MIA2: variants seen among roughly 807,000 people sequenced by gnomAD.
MIA2 encodes MIA SH3 domain ER export factor 2.
In MIA2, 127 loss-of-function variants were observed where a neutral mutation model predicts 167.8. The observed-to-expected ratio is 0.76, with a 90% CI of 0.66 to 0.88. MIA2 has a LOEUF of 0.88. Ranked by LOEUF, MIA2 falls within the 40% of genes least tolerant of loss-of-function variation. The pLI is 0.00. For synonymous variants in MIA2, 552 were observed against 541.9 expected, an observed-to-expected ratio of 1.02 and a Z score of -0.26; for missense variants, 1,690 against 1,624.7, an observed-to-expected ratio of 1.04 and a Z score of -0.69.
At chr14:39,304,255 TTAA>T (rs762094949) in intron 16 of MIA2, 33 bp from the exon 17 acceptor site, 18 of 988,538 alleles carry the variant, frequency 1.8e-5, no homozygotes, top group Non-Finnish European at 2.7e-5. Context: ...GTATAACTGA[TTAA>T]TGTTACTTTT....
Position 39,288,454 on chromosome 14 carries a change from TATATATATATATATA to T in MIA2, c.2131-2564_2131-2550del, listed in dbSNP as rs2060164915. Among the ~76,000 whole-genome samples the T allele has an allele frequency of 4.5e-3, 63 of 13,888 alleles. 5 individuals carry two copies. Among genetic ancestry groups the T allele is most frequent in the Middle Eastern group, 0.015 (1 of 66 alleles). 9.1% of individuals were successfully genotyped at this position (13,888 alleles called of 152,430 possible). A position where few individuals can be genotyped will look rare whatever the true frequency, so the allele number is the denominator to read the frequency against. ...ATACATATATATATATATATATATATATATATATATATATATATATATTTTTTTTTTTTTTTTTGA... is the reference window on the plus strand; with the variant it reads ...ATACATATATATATATATATATATATTATATATTTTTTTTTTTTTTTTTGA... On this transcript the variant is annotated intron_variant, in intron 9 of 28. Transcript: ENST00000640607.
Position 39,350,225 on chromosome 14 carries a change from G to A in MIA2, c.4200G>A (p.Glu1400=), listed in dbSNP as rs1363873704. Residue 1400 remains glutamate, a synonymous_variant, in exon 29 of 29, where the codon GAG becomes GAA. Coordinates refer to ENST00000640607, the MANE Select transcript of MIA2 (RefSeq NM_001329214.4). ...CAGGTTTGATTCCACCTTCAAATGA[G>A]CCTGCTACTGAACATCCAGAACCAC... ...FPSGLIPPSN[E]PATEHPEPQQ... is the part of the protein sequence containing the mutation. 7 of 1,518,874 alleles carry A rather than the reference G, an allele frequency of 4.6e-6. No individual in the cohort carries two copies. Among genetic ancestry groups the A allele is most frequent in the South Asian group, 1.3e-5 (1 of 77,310 alleles). The allele number at this position is 1,518,874 out of a possible 1,614,324, so 94.1% of individuals were successfully genotyped here.
exon 24 of MIA2, chr14:39,387,610 C>T (rs1466515415): frequency 6.6e-6 from 1 of 152,216 alleles, no homozygotes; most frequent in Non-Finnish European, 1.5e-5. Context: ...TTCAGATATT[C>T]CATACACTTA....
chr14:39,364,263 C>G (rs1470337942), intron 23 of MIA2, among the ~76,000 whole-genome samples: 1 of 151,914 alleles, frequency 6.6e-6, no homozygotes, highest in Non-Finnish European at 1.5e-5. Flanking sequence ...GAGGCTGAGG[C>G]AGGAGAATCA....
At chr14:39,285,185 TATC>T (rs1446305206) in intron 9 of MIA2, among the ~76,000 whole-genome samples, 2 of 152,166 alleles carry the variant, frequency 1.3e-5, no homozygotes, top group African/African-American at 2.4e-5. Flanking sequence ...CTGATTTCTC[TATC>T]TTTTCCCCAC....
At position 39,313,321 on chromosome 14, in the gene MIA2, A is replaced by T; in HGVS notation, c.3018-19A>T. ...TTTTGACATGTATTAAGAGAATTATAACATTTTTTGTTTTTAAGGAAATTA... is the reference window on the plus strand; with the variant it reads ...TTTTGACATGTATTAAGAGAATTATTACATTTTTTGTTTTTAAGGAAATTA... On this transcript the variant is annotated intron_variant, in intron 18 of 28. Transcript: ENST00000640607. The T allele has an allele frequency of 7.6e-7, 1 of 1,314,768 alleles. No individual in the cohort carries two copies. The highest frequency in any genetic ancestry group is 1.1e-6 in the Non-Finnish European group (1 of 926,358). The allele number at this position is 1,314,768 out of a possible 1,614,324, so 81.4% of individuals were successfully genotyped here.
rs144936548 is a variant in MIA2 at position 39,247,686 on chromosome 14, T to C, written c.1112T>C (p.Leu371Ser). ...EKKDTITNDS[L>S]SLKPSWFDFG... ...AAAGACACAATCACTAATGATAGCT[T>C]GAGTCTCAAGCCAAGTTGGTTTGAT... The change falls in exon 4 of 29, where the codon TTG becomes TCG. Residue 371 changes from leucine (L) to serine (S), a missense_variant. Physicochemically the swap from Leu to Ser is moderately radical, Grantham distance 145 (BLOSUM62 -2). Transcript: ENST00000640607. The C allele has an allele frequency of 2.3e-5, 37 of 1,611,922 alleles. No individual in the cohort carries two copies. Among genetic ancestry groups the C allele is most frequent in the Non-Finnish European group, 3.0e-5 (35 of 1,179,478 alleles).
chr14:39,261,944 T>C (rs570624168), intron 6 of MIA2, among the ~76,000 whole-genome samples: 5 of 152,298 alleles, frequency 3.3e-5, no homozygotes, highest in African/African-American at 1.2e-4. Flanking sequence ...GTAGGTTGCC[T>C]GTTCACTCTG....
chr14:39,301,370 A>G (rs2152882413), intron 14 of MIA2, among the ~76,000 whole-genome samples: 1 of 152,208 alleles, frequency 6.6e-6, no homozygotes, highest in East Asian at 1.9e-4. Context: ...TGGCTGTGGC[A>G]TATTGTTTTA....
At chr14:39,276,155 G>C (rs991510407) in intron 6 of MIA2, 7 of 152,086 alleles carry the variant, frequency 4.6e-5, no homozygotes, top group Admixed American at 2.0e-4. Flanking sequence ...GTAACAAAGA[G>C]CAGAATAACC....
chr14:39,310,930 G>A lies in MIA2; in HGVS notation c.3017+2343G>A, dbSNP rs367620017. Among the ~76,000 whole-genome samples the A allele has an allele frequency of 3.3e-5, 5 of 152,178 alleles. No homozygotes were observed. In the South Asian group the frequency reaches 1.0e-3, roughly 32 times the overall value. ...TTTTTCAGCCAGTATACCTAGGAGT[G>A]GGCCCTTCTTTTTAGGTTAGAATGA... is the stretch of plus-strand genomic sequence containing the variant. On this transcript the variant is annotated intron_variant, in intron 18 of 28. Coordinates refer to ENST00000640607, the MANE Select transcript of MIA2 (RefSeq NM_001329214.4).
chr14:39,262,274 T>G (rs1317812051), intron 6 of MIA2, among the ~76,000 whole-genome samples: 2 of 152,350 alleles, frequency 1.3e-5, no homozygotes, highest in Admixed American at 1.3e-4. Context: ...AAATAGGTTA[T>G]CCTTTCCCCA....
intron 6 of MIA2, chr14:39,266,835 G>A: frequency 1.3e-6 from 1 of 775,884 alleles, no homozygotes; most frequent in African/African-American, 1.9e-5. Flanking sequence ...GTCGGCCCCT[G>A]GGTCGGGGGG....
At position 39,279,347 on chromosome 14, in the gene MIA2, G is replaced by A. The variant is rs754026679; in HGVS notation, c.2030G>A (p.Arg677Gln). Residue 677 changes from arginine (R) to glutamine (Q), a missense_variant, in exon 8 of 29, where the codon CGG (arginine) becomes CAG (glutamine). Transcript: ENST00000640607. The stretch of plus-strand genomic sequence containing the variant: ...AAAAATTTGTTTCAGGTTAGGAGTC[G>A]GCTTTATGTGGGTAAGTTCTTTTTT... ...LWRSFRSVRS[R>Q]LYVGREKKLA... The A allele has an allele frequency of 3.7e-6, 6 of 1,607,140 alleles. No homozygotes were observed. Among genetic ancestry groups the A allele is most frequent in the South Asian group, 2.3e-5 (2 of 88,848 alleles).
At chr14:39,354,775 A>G (rs1458374944), downstream of MIA2, among the ~76,000 whole-genome samples, 1 of 152,200 alleles carries the variant, frequency 6.6e-6, no homozygotes, top group Admixed American at 6.5e-5. Flanking sequence ...AGCTTTCTAC[A>G]TATGGCTAGC....
At chr14:39,284,443 G>A (rs117648465) in intron 9 of MIA2, among the ~76,000 whole-genome samples, 265 of 152,088 alleles carry the variant, frequency 1.7e-3, no homozygotes, top group Admixed American at 4.0e-3. Flanking sequence ...CGTTGTTTTC[G>A]TGACTACAGC....
rs1297067914 is a variant in MIA2, at chr14:39,233,987, T to C, written c.-128T>C. ...AAAAAGGTAGTTATCAAGAGATTTT[T>C]AAAACTTCAACCCTTTTTCTCTTAT... On this transcript the variant is annotated 5_prime_UTR_variant, in exon 1 of 29. Transcript: ENST00000640607. The C allele has an allele frequency of 2.0e-6, 1 of 508,592 alleles. No individual in the cohort carries two copies. Among genetic ancestry groups the C allele is most frequent in the East Asian group, 3.4e-5 (1 of 29,732 alleles). The allele number at this position is 508,592 out of a possible 1,614,324, so 31.5% of individuals were successfully genotyped here.
At chr14:39,335,131 A>G (rs975737422) in intron 25 of MIA2, among the ~76,000 whole-genome samples, 3 of 152,114 alleles carry the variant, frequency 2.0e-5, no homozygotes, top group African/African-American at 7.2e-5. Flanking sequence ...AGAGATGGTG[A>G]TATTCTAAAG....
At chr14:39,264,218 C>T (rs562314069) in intron 6 of MIA2, among the ~76,000 whole-genome samples, 5 of 152,288 alleles carry the variant, frequency 3.3e-5, no homozygotes, top group Admixed American at 6.5e-5. Flanking sequence ...TCAGTTTCTA[C>T]GTTAATTCGC....
Sources: allele counts gnomAD v4.1 joint callset (sites outside exome capture counted in the v4.1 genomes callset), GRCh38; gene constraint gnomAD v4.1.1; transcripts MANE v1.5; gene names NCBI Gene and HGNC (gene_info 2026-07-23, HGNC 2026-07-21).